TNIK: variants seen among roughly 807,000 people sequenced by gnomAD.
The protein encoded by TNIK is TRAF2 and NCK-interacting protein kinase.
TNIK carries 49 observed loss-of-function variants against 191.3 expected under a neutral mutation model. The ratio of observed to expected loss-of-function variants is 0.26; its 90% CI spans 0.20 to 0.32. The LOEUF (loss-of-function observed/expected upper bound fraction) is 0.32, where lower values mean the gene tolerates loss of function less well. TNIK is among the 10% of genes least tolerant of loss of function. The pLI is 1.00. For missense variants in TNIK, 1,155 were observed against 1,702.3 expected (o/e 0.68, Z 5.66); for synonymous variants, 594 against 600.9 (o/e 0.99, Z 0.17).
chr3:171,224,380 T>C (rs1455374678), intron 3 of TNIK, among the ~76,000 whole-genome samples: 1 of 152,072 alleles, frequency 6.6e-6, no homozygotes, highest in Non-Finnish European at 1.5e-5. Context: ...TTAAGTCCTA[T>C]ATGCACTTCA....
chr3:171,128,914 C>T (rs1224032374), intron 15 of TNIK, 36 bp from the exon 16 acceptor site: 1 of 1,340,232 alleles, frequency 7.5e-7, no homozygotes, highest in Non-Finnish European at 1.0e-6. Context: ...AAAAGACAGC[C>T]TCAATGTATA....
intron 2 of TNIK, among the ~76,000 whole-genome samples, chr3:171,289,672 C>T (rs946015596): frequency 2.6e-5 from 4 of 152,130 alleles, no homozygotes; most frequent in African/African-American, 9.7e-5. Context: ...GAGGCTGAGG[C>T]AGGCAGATCA....
At chr3:171,205,307 A>G (rs1739918896) in intron 4 of TNIK, among the ~76,000 whole-genome samples, 2 of 152,224 alleles carry the variant, frequency 1.3e-5, no homozygotes, top group African/African-American at 2.4e-5. Flanking sequence ...GAGGCCTTTC[A>G]TAGCTTTTAT....
rs185275214 is a variant in TNIK, at chr3:171,441,741, T to C, written c.57+18266A>G. 3.6e-3 allele frequency among the ~76,000 whole-genome samples: 546 copies of C among 152,310 alleles called. 4 individuals carry two copies. Among genetic ancestry groups the C allele is most frequent in the African/African-American group, 0.013 (524 of 41,552 alleles). On this transcript the variant is annotated intron_variant, in intron 1 of 32. Transcript: ENST00000436636. ...GAAATAGCCAAACTGTTTTTCAAAG[T>C]GGCTGAGTTATTTCATAGACCCACC... is the stretch of plus-strand genomic sequence containing the variant.
intron 2 of TNIK, among the ~76,000 whole-genome samples, chr3:171,300,155 T>C (rs1219237656): frequency 6.6e-6 from 1 of 152,024 alleles, no homozygotes; most frequent in Middle Eastern, 3.2e-3. Flanking sequence ...GACTTGGGAG[T>C]GAGGTCCAGA....
chr3:171,155,546 G>T (rs1003495365), intron 12 of TNIK, among the ~76,000 whole-genome samples: 28 of 152,202 alleles, frequency 1.8e-4, no homozygotes, highest in African/African-American at 6.8e-4. Flanking sequence ...CGTCTTCTGT[G>T]CAAGCCAGGA....
intron 18 of TNIK, among the ~76,000 whole-genome samples, chr3:171,120,736 G>A (rs779392340): frequency 6.6e-6 from 1 of 152,142 alleles, no homozygotes; most frequent in South Asian, 2.1e-4. Flanking sequence ...GGGGGTCCAG[G>A]TTCCTTCTGG....
rs981886828 is a variant in TNIK, at chr3:171,197,524, C to T, written c.307-2889G>A. ...ATATATCTGATAAAGGTCTACTATC[C>T]AGAATATATAAAGAACTCTTACAAC... On this transcript the variant is annotated intron_variant, in intron 4 of 32. Transcript: ENST00000436636. Among the ~76,000 whole-genome samples, 10 of 152,172 alleles carry T rather than the reference C, an allele frequency of 6.6e-5. No individual in the cohort carries two copies. The South Asian group carries it at 2.1e-3, about 32-fold the overall frequency.
chr3:171,367,765 T>C (rs1715946593), intron 2 of TNIK, among the ~76,000 whole-genome samples: 1 of 152,158 alleles, frequency 6.6e-6, no homozygotes. Context: ...CCACCGCACC[T>C]GGCCAGGCCC....
chr3:171,418,768 T>A (rs568368424), intron 1 of TNIK, among the ~76,000 whole-genome samples: 1 of 152,172 alleles, frequency 6.6e-6, no homozygotes, highest in Non-Finnish European at 1.5e-5. Flanking sequence ...CAATGGTATA[T>A]TATTCAGCCA....
intron 23 of TNIK, among the ~76,000 whole-genome samples, chr3:171,087,825 T>A (rs1218597112): frequency 6.6e-6 from 1 of 152,194 alleles, no homozygotes; most frequent in African/African-American, 2.4e-5. Flanking sequence ...ACTTGTAAAC[T>A]CTTTTGTAGT....
chr3:171,272,295 G>C (rs942169440), intron 2 of TNIK, among the ~76,000 whole-genome samples: 6 of 152,228 alleles, frequency 3.9e-5, no homozygotes, highest in Admixed American at 6.5e-5. Flanking sequence ...TTCAATGACA[G>C]AGAAGGCAAT....
At chr3:171,100,305 A>G (rs1723286139) in intron 22 of TNIK, among the ~76,000 whole-genome samples, 1 of 152,208 alleles carries the variant, frequency 6.6e-6, no homozygotes, top group South Asian at 2.1e-4. Flanking sequence ...TAGCATATTT[A>G]GAGCTGTCAG....
chr3:171,124,959 C>T (rs1294745656), intron 17 of TNIK, among the ~76,000 whole-genome samples: 1 of 152,016 alleles, frequency 6.6e-6, no homozygotes, highest in Non-Finnish European at 1.5e-5. Flanking sequence ...GATGGCATTT[C>T]TGCTTCCACA....
chr3:171,373,620 TACA>T (rs1716829244), intron 1 of TNIK, among the ~76,000 whole-genome samples: 1 of 152,220 alleles, frequency 6.6e-6, no homozygotes. Context: ...TTTAAAATAA[TACA>T]AGATACGGTT....
At chr3:171,283,542 G>GA (rs563080032) in intron 2 of TNIK, among the ~76,000 whole-genome samples, 60 of 152,280 alleles carry the variant, frequency 3.9e-4, no homozygotes, top group African/African-American at 1.3e-3. Context: ...TAAGGGCTCT[G>GA]AAAAAAGACA....
At chr3:171,393,296 A>G (rs569695470) in intron 1 of TNIK, among the ~76,000 whole-genome samples, 174 of 152,318 alleles carry the variant, frequency 1.1e-3, no homozygotes, top group Admixed American at 2.0e-3. Context: ...TGTCTCTTAG[A>G]CATTCCTGGC....
intron 1 of TNIK, among the ~76,000 whole-genome samples, chr3:171,456,662 G>T (rs1728830112): frequency 6.6e-6 from 1 of 152,170 alleles, no homozygotes; most frequent in South Asian, 2.1e-4. Flanking sequence ...TTGAACCAGG[G>T]CTGGACAAGA....
chr3:171,268,881 C>T (rs562356236), intron 2 of TNIK, among the ~76,000 whole-genome samples: 12 of 152,248 alleles, frequency 7.9e-5, no homozygotes, highest in South Asian at 4.1e-4. Context: ...GCCAAAACAA[C>T]GGCTGCTACA....
Sources: gnomAD v4.1 joint callset for allele counts (sites outside exome capture counted in the v4.1 genomes callset) on GRCh38, gnomAD v4.1.1 for gene constraint, MANE v1.5 for transcripts, NCBI Gene and HGNC (gene_info 2026-07-23, HGNC 2026-07-21) for gene names.